The following LRRC9 variants were observed in gnomAD, a reference collection of about 807,000 sequenced individuals.
LRRC9 encodes leucine-rich repeat-containing protein 9.
LRRC9 carries 122 observed loss-of-function variants against 63.2 expected under a neutral mutation model. The ratio of observed to expected loss-of-function variants is 1.93; its 90% CI spans 1.67 to 2.24. The LOEUF is 2.24. Ranked by LOEUF, LRRC9 falls within the 30% of genes most tolerant of loss-of-function variation. The pLI is 0.00. For missense variants in LRRC9, 1,071 were observed against 627.7 expected (o/e 1.71, Z -7.55); for synonymous variants, 366 against 213.1 (o/e 1.72, Z -6.25).
chr14:59,928,500 T>A lies in LRRC9; in HGVS notation c.267+14T>A. ...TGCTGCATAGAGGTAAGTGTAAACA[T>A]AAAACCTCACATGGAGTATTTTATT... On this transcript the variant is annotated intron_variant, in intron 3 of 31. Coordinates refer to ENST00000445360, the Ensembl canonical transcript of LRRC9. The A allele has an allele frequency of 1.6e-6, 1 of 618,170 alleles. No individual in the cohort carries two copies. Among genetic ancestry groups the A allele is most frequent in the South Asian group, 2.0e-5 (1 of 50,264 alleles). 38.3% of individuals were successfully genotyped at this position (618,170 alleles called of 1,614,324 possible). A position where few individuals can be genotyped will look rare whatever the true frequency, so the allele number is the denominator to read the frequency against.
In LRRC9 at chr14:59,966,859, CA is replaced by C. The variant is rs1241025207; in HGVS notation, c.1388+95del. 3.6e-6 allele frequency: 2 copies of C among 560,096 alleles called. No individual in the cohort carries two copies. Among genetic ancestry groups the C allele is most frequent in the Non-Finnish European group, 6.4e-6 (2 of 313,500 alleles). The allele number at this position is 560,096 out of a possible 1,614,324, so 34.7% of individuals were successfully genotyped here. A position where few individuals can be genotyped will look rare whatever the true frequency, so the allele number is the denominator to read the frequency against. Reference sequence around the variant, plus strand: ...AAAAGTTTACAGCATTAAAAATATACATATACCTTGTTAGTAAATGTTTCCT... The same window carrying C: ...AAAAGTTTACAGCATTAAAAATATACTATACCTTGTTAGTAAATGTTTCCT... On this transcript the variant is annotated intron_variant, in intron 11 of 31. Coordinates refer to ENST00000445360, the Ensembl canonical transcript of LRRC9. This position sits in a 1 kb window ranked among gnomAD's most constrained non-coding sequence, Gnocchi z 4.0.
At position 59,932,380 on chromosome 14, in the gene LRRC9, T is replaced by A. The variant is rs1349738601; in HGVS notation, c.543+341T>A. Among the ~76,000 whole-genome samples, 2 of 152,156 alleles carry A rather than the reference T, an allele frequency of 1.3e-5. No individual in the cohort carries two copies. The highest frequency in any genetic ancestry group is 4.8e-5 in the African/African-American group (2 of 41,454). On this transcript the variant is annotated intron_variant, in intron 6 of 31. Coordinates refer to ENST00000445360, the Ensembl canonical transcript of LRRC9. The surrounding 1 kb of genome is among the most constrained non-coding windows in gnomAD (Gnocchi z 4.7). ...GTACTGACATCTTTTCTCATTTCTG[T>A]CTGCATTCATTCTCTAAATAATCTC...
chr14:60,037,659 G>A (rs191099900), intron 29 of LRRC9, among the ~76,000 whole-genome samples: 5 of 152,248 alleles, frequency 3.3e-5, no homozygotes, highest in Non-Finnish European at 2.9e-5. Flanking sequence ...GTAGATTCTG[G>A]ATATTAGCCC....
At chr14:59,965,114 C>T (rs1319634320) in intron 10 of LRRC9, among the ~76,000 whole-genome samples, 1 of 152,162 alleles carries the variant, frequency 6.6e-6, no homozygotes, top group Non-Finnish European at 1.5e-5. Context: ...CCATTTACTT[C>T]CTTCTCAAAA....
rs543343320 is a variant in LRRC9 at position 60,060,593 on chromosome 14, T to C, written c.4276+2571T>C. On this transcript the variant is annotated intron_variant, in intron 31 of 31. Coordinates refer to ENST00000445360, the Ensembl canonical transcript of LRRC9. The surrounding 1 kb of genome is among the most constrained non-coding windows in gnomAD (Gnocchi z 4.0). ...GTCTCTACTAAAAATACAAAAAAAT[T>C]AGCTGGGCATGGTGGCGGGCGCCTG... 2.4e-4 allele frequency among the ~76,000 whole-genome samples: 37 copies of C among 151,972 alleles called. 1 individual carries two copies. The South Asian group carries it at 7.5e-3, about 31-fold the overall frequency.
In LRRC9 at chr14:60,060,776, G is replaced by A. The variant is rs1253160416; in HGVS notation, c.4277-2547G>A. 6.6e-6 allele frequency among the ~76,000 whole-genome samples: 1 copy of A among 152,062 alleles called. No individual in the cohort carries two copies. The highest frequency in any genetic ancestry group is 6.6e-5 in the Admixed American group (1 of 15,256). On this transcript the variant is annotated intron_variant, in intron 31 of 31. Transcript: ENST00000445360. The surrounding 1 kb of genome is among the most constrained non-coding windows in gnomAD (Gnocchi z 4.0). Reference sequence around the variant, plus strand: ...ATAAAATAAAATTAGTGATTCCTCTGAGGGATATGGGCAAAGTAAATTGAA... The same window carrying A: ...ATAAAATAAAATTAGTGATTCCTCTAAGGGATATGGGCAAAGTAAATTGAA...
At position 60,027,268 on chromosome 14, in the gene LRRC9, C is replaced by A. The variant is rs1891630901; in HGVS notation, c.3704-616C>A. ...ATAGAAAATACTGTACATATAAAAG[C>A]ATTTTGTAAATTGGAGAGTCTTCAT... On this transcript the variant is annotated intron_variant, in intron 27 of 31. Transcript: ENST00000445360. The surrounding 1 kb of genome is among the most constrained non-coding windows in gnomAD (Gnocchi z 4.0). Among the ~76,000 whole-genome samples, 1 of 151,866 alleles carries A rather than the reference C, an allele frequency of 6.6e-6. No homozygotes were observed.
rs144761227 is a variant in LRRC9 at position 60,044,327 on chromosome 14, CT to C, written c.3991-8737del. On this transcript the variant is annotated intron_variant, in intron 29 of 31. Coordinates refer to ENST00000445360, the Ensembl canonical transcript of LRRC9. ...TCTGATATTTATTATTTCTTTCCTT[CT>C]ACTAATTTAGGGCTTGGCTTGTTTT... 3.6e-3 allele frequency among the ~76,000 whole-genome samples: 543 copies of C among 152,132 alleles called. 5 individuals are homozygous for C. Among genetic ancestry groups the C allele is most frequent in the African/African-American group, 0.013 (520 of 41,514 alleles).
Position 59,922,552 on chromosome 14 carries a change from G to A in LRRC9, c.-34+2669G>A, listed in dbSNP as rs1888876973. ...GAGGAAAATTTGACAGCAGTATTCT[G>A]AAAGAGACAGATAAGGATAGGATCA... is the stretch of plus-strand genomic sequence containing the variant. On this transcript the variant is annotated intron_variant, in intron 1 of 31. Transcript: ENST00000445360. This position sits in a 1 kb window ranked among gnomAD's most constrained non-coding sequence, Gnocchi z 5.3. 1.3e-5 allele frequency among the ~76,000 whole-genome samples: 2 copies of A among 152,166 alleles called. No individual in the cohort carries two copies. Among genetic ancestry groups the A allele is most frequent in the Admixed American group, 1.3e-4 (2 of 15,276 alleles).
At position 60,004,906 on chromosome 14, in the gene LRRC9, T is replaced by G. The variant is rs893164892; in HGVS notation, c.2842+1108T>G. The stretch of plus-strand genomic sequence containing the variant: ...TACACACACACACACACACACACAC[T>G]TATCTGAATAAAGAATATTTCTGTA... On this transcript the variant is annotated intron_variant, in intron 21 of 31. Coordinates refer to ENST00000445360, the Ensembl canonical transcript of LRRC9. The surrounding 1 kb of genome is among the most constrained non-coding windows in gnomAD (Gnocchi z 4.8). Among the ~76,000 whole-genome samples the G allele has an allele frequency of 1.3e-4, 18 of 141,410 alleles. No homozygotes were observed. The East Asian group carries it at 3.7e-3, about 29-fold the overall frequency. The allele number at this position is 141,410 out of a possible 152,430, so 92.8% of individuals were successfully genotyped here.
At chr14:59,941,921 T>C (rs188176496) in intron 7 of LRRC9, among the ~76,000 whole-genome samples, 39 of 152,242 alleles carry the variant, frequency 2.6e-4, no homozygotes, top group African/African-American at 9.1e-4. Flanking sequence ...TAGCTGTAAT[T>C]TTGTACCCTT....
downstream of LRRC9, among the ~76,000 whole-genome samples, chr14:60,066,024 C>T (rs1275878518): frequency 2.0e-5 from 3 of 152,030 alleles, no homozygotes; most frequent in African/African-American, 4.8e-5. Flanking sequence ...CACTATATTG[C>T]CCAGGCTGGT....
At chr14:59,928,597 G>T (rs1889411976) in intron 3 of LRRC9, 111 bp downstream of exon 3, 2 of 416,154 alleles carry the variant, frequency 4.8e-6, no homozygotes, top group African/African-American at 2.1e-5. Flanking sequence ...ACAGATAAAT[G>T]AACAAAGGCT....
chr14:59,978,064 A>G (rs1376682392), exon 15 of LRRC9: 1 of 702,320 alleles, frequency 1.4e-6, no homozygotes, highest in Non-Finnish European at 2.6e-6. Flanking sequence ...TCGGCAGTGC[A>G]AGTGGTTTGT....
intron 29 of LRRC9, among the ~76,000 whole-genome samples, chr14:60,047,884 T>C (rs1893567446): frequency 6.6e-6 from 1 of 152,120 alleles, no homozygotes; most frequent in Non-Finnish European, 1.5e-5. Flanking sequence ...ATTAATCACA[T>C]AATCGGAAGT....
At chr14:60,023,556 T>A (rs2140297220) in intron 27 of LRRC9, among the ~76,000 whole-genome samples, 1 of 152,142 alleles carries the variant, frequency 6.6e-6, no homozygotes, top group South Asian at 2.1e-4. Flanking sequence ...TTATAAATCC[T>A]CTAAACATGA....
In LRRC9 at chr14:60,053,493, A is replaced by G. The variant is rs73308131; in HGVS notation, c.4131+288A>G. On this transcript the variant is annotated intron_variant, in intron 30 of 31. Transcript: ENST00000445360. This position sits in a 1 kb window ranked among gnomAD's most constrained non-coding sequence, Gnocchi z 4.8. Reference sequence around the variant, plus strand: ...TACTCTGACATAAGGAAAGTTATTTAATATTTGTATGCTCAATATGTCAGA... The same window carrying G: ...TACTCTGACATAAGGAAAGTTATTTGATATTTGTATGCTCAATATGTCAGA... Among the ~76,000 whole-genome samples, 427 of 152,196 alleles carry G rather than the reference A, an allele frequency of 2.8e-3. 3 individuals carry two copies. Among genetic ancestry groups the G allele is most frequent in the African/African-American group, 9.8e-3 (409 of 41,524 alleles).
chr14:59,952,296 G>A (rs1466612968), intron 8 of LRRC9, among the ~76,000 whole-genome samples: 1 of 152,204 alleles, frequency 6.6e-6, no homozygotes, highest in Non-Finnish European at 1.5e-5. Context: ...CTTTGACTCG[G>A]AAAGGGAACT....
In LRRC9 at chr14:60,027,040, T is replaced by C. The variant is rs545774984; in HGVS notation, c.3704-844T>C. Reference sequence around the variant, plus strand: ...TTGGAGGGGGACACAATTCAGCACATAATAATCAAGGAGAATGAATATTGA... The same window carrying C: ...TTGGAGGGGGACACAATTCAGCACACAATAATCAAGGAGAATGAATATTGA... On this transcript the variant is annotated intron_variant, in intron 27 of 31. Transcript: ENST00000445360. This position sits in a 1 kb window ranked among gnomAD's most constrained non-coding sequence, Gnocchi z 4.0. Among the ~76,000 whole-genome samples the C allele has an allele frequency of 2.2e-4, 34 of 152,136 alleles. No homozygotes were observed. The South Asian group carries it at 7.0e-3, about 32-fold the overall frequency.
Sources: gnomAD v4.1 joint callset for allele counts (sites outside exome capture counted in the v4.1 genomes callset) on GRCh38, gnomAD v4.1.1 for gene constraint, Gnocchi (gnomAD v3.1) non-coding constraint, MANE v1.5 for transcripts, NCBI Gene and HGNC (gene_info 2026-07-23, HGNC 2026-07-21) for gene names.